Variants in DCST2 observed in about 807,000 individuals in gnomAD.
The protein encoded by DCST2 is DC-STAMP domain-containing protein 2.
A neutral mutation model predicts 81.8 loss-of-function variants in DCST2; 64 were observed. The observed-to-expected ratio is 0.78, with a 90% CI of 0.64 to 0.96. The LOEUF (loss-of-function observed/expected upper bound fraction) is 0.96, where lower values mean the gene tolerates loss of function less well. DCST2 is among the 40% of genes least tolerant of loss of function. DCST2 has a pLI of 0.00. For synonymous variants in DCST2, 354 were observed against 402.6 expected, an observed-to-expected ratio of 0.88 and a Z score of 1.44; for missense variants, 945 against 1,001.4, an observed-to-expected ratio of 0.94 and a Z score of 0.76.
Position 155,025,972 on chromosome 1 carries a change from T to C in DCST2, c.1611+330A>G, listed in dbSNP as rs75085406. Among the ~76,000 whole-genome samples the C allele has an allele frequency of 3.3e-3, 502 of 151,888 alleles. 25 individuals carry two copies. The East Asian group carries it at 0.091, about 28-fold the overall frequency. On this transcript the variant is annotated intron_variant, in intron 10 of 14. Transcript: ENST00000368424. ...GTCTGCCTGCCTCACCCTTCCAAAG[T>C]GCTGGATTACAGGTGTGAGCCATGC...
intron 6 of DCST2, 95 bp downstream of exon 6, chr1:155,030,337 C>T: frequency 6.3e-7 from 1 of 1,596,430 alleles, no homozygotes; most frequent in South Asian, 1.1e-5. Context: ...TTCAACCTCC[C>T]TGGATGCTGG....
At chr1:155,029,459 T>A in intron 7 of DCST2, 62 bp from the exon 8 acceptor site, 2 of 1,553,356 alleles carry the variant, frequency 1.3e-6, no homozygotes, top group Non-Finnish European at 1.8e-6. Flanking sequence ...CAGATCCCAG[T>A]TCTTGGAGAG....
intron 14 of DCST2, 46 bp downstream of exon 14, chr1:155,023,071 C>G (rs1323507241): frequency 6.3e-7 from 1 of 1,595,300 alleles, no homozygotes; most frequent in Non-Finnish European, 8.5e-7. Flanking sequence ...ACAGAACATG[C>G]TTAGGACTCA....
intron 8 of DCST2, among the ~76,000 whole-genome samples, chr1:155,026,994 C>T (rs1243495649): frequency 1.3e-5 from 2 of 151,052 alleles, no homozygotes; most frequent in Non-Finnish European, 2.9e-5. Context: ...AGTGAGTCCA[C>T]CCCCCGGCCT....
chr1:155,031,651 A>T lies in DCST2; in HGVS notation c.662T>A (p.Met221Lys). The T allele has an allele frequency of 1.2e-6, 2 of 1,614,082 alleles. No homozygotes were observed. The highest frequency in any genetic ancestry group is 1.7e-6 in the Non-Finnish European group (2 of 1,180,030). The change falls in exon 4 of 15, where the codon ATG becomes AAG. Residue 221 changes from methionine to lysine, a missense_variant. Coordinates refer to ENST00000368424, the MANE Select transcript of DCST2 (RefSeq NM_144622.3). ...RVFDDAKDSC[M>K]MVIPQAYHLC... ...GTGGTAGGCTTGTGGTATGACCATCATGCAGCTGTCCTTGGCATCATCGAA... is the reference window on the plus strand; with the variant it reads ...GTGGTAGGCTTGTGGTATGACCATCTTGCAGCTGTCCTTGGCATCATCGAA...
rs772674334 is a variant in DCST2, at chr1:155,031,747, T to G, written c.566A>C (p.Gln189Pro). 13 of 1,613,902 alleles carry G rather than the reference T, an allele frequency of 8.1e-6. 1 individual carries two copies. The South Asian group carries it at 1.3e-4, about 16-fold the overall frequency. Residue 189 changes from glutamine to proline, a missense_variant, in exon 4 of 15, where the codon CAG becomes CCG. By Grantham distance (76) the Gln-to-Pro change is moderately conservative. Coordinates refer to ENST00000368424, the MANE Select transcript of DCST2 (RefSeq NM_144622.3). Reference protein sequence around the residue: ...HIARALRNVWQWLLHIGDVCN... With the variant: ...HIARALRNVWPWLLHIGDVCN... ...CACATCGCCGATGTGCAGGAGCCACTGCCACACATTCCGGAGAGCCCTGGC... is the reference window on the plus strand; with the variant it reads ...CACATCGCCGATGTGCAGGAGCCACGGCCACACATTCCGGAGAGCCCTGGC...
At position 155,023,818 on chromosome 1, in the gene DCST2, C is replaced by A. The variant is rs1659820849; in HGVS notation, c.1870+14G>T. On this transcript the variant is annotated intron_variant, in intron 12 of 14. Coordinates refer to ENST00000368424, the MANE Select transcript of DCST2 (RefSeq NM_144622.3). ...GTCCGAGCAGGGAGAGGCACACGCC[C>A]CAGGGGGTCTCACCTTGGCAGCCGG... 6 of 1,612,888 alleles carry A rather than the reference C, an allele frequency of 3.7e-6. No homozygotes were observed. Among genetic ancestry groups the A allele is most frequent in the South Asian group, 2.2e-5 (2 of 90,800 alleles).
In DCST2 at chr1:155,030,651, G is replaced by A. The variant is rs776562845; in HGVS notation, c.806-6C>T. ...GTTGAGCAACTGAATCACGGCTGGG[G>A]CCAGCAGGTTCAGGGGAGACGTGGG... On this transcript the variant is annotated splice_polypyrimidine_tract_variant and splice_region_variant and intron_variant, in intron 5 of 14. Transcript: ENST00000368424. 1.9e-6 allele frequency: 3 copies of A among 1,613,826 alleles called. No homozygotes were observed. Among genetic ancestry groups the A allele is most frequent in the African/African-American group, 2.7e-5 (2 of 74,904 alleles).
At chr1:155,019,614 G>C (rs1659687451) in intron 14 of DCST2, among the ~76,000 whole-genome samples, 1 of 152,148 alleles carries the variant, frequency 6.6e-6, no homozygotes, top group African/African-American at 2.4e-5. Flanking sequence ...GAGACCCTGG[G>C]CTGCCCCCAG....
At chr1:155,022,688 G>C (rs1449192964) in intron 14 of DCST2, among the ~76,000 whole-genome samples, 2 of 152,214 alleles carry the variant, frequency 1.3e-5, no homozygotes, top group African/African-American at 4.8e-5. Context: ...CGAGGTTGCA[G>C]TGAACTGGGA....
chr1:155,023,313 C>T, intron 13 of DCST2, 51 bp downstream of exon 13: 1 of 1,612,724 alleles, frequency 6.2e-7, no homozygotes, highest in Non-Finnish European at 8.5e-7. Context: ...AGGGTGCCTA[C>T]TTCCACTGCC....
rs1349666206 is a variant in DCST2, at chr1:155,023,433, C to CG, written c.1894dup (p.Arg632ProfsTer29). ...CACGGAGCAGGTATTGTCCAGGAGG[C>CG]GGAAGCAAGTGAGGCAGTAGAGACC... On this transcript the variant is annotated frameshift_variant, in exon 13 of 15. Coordinates refer to ENST00000368424, the MANE Select transcript of DCST2 (RefSeq NM_144622.3). LOFTEE classifies it high-confidence loss of function. 6.2e-7 allele frequency: 1 copy of CG among 1,601,710 alleles called. No individual in the cohort carries two copies. The highest frequency in any genetic ancestry group is 8.5e-7 in the Non-Finnish European group (1 of 1,174,028).
Position 155,026,601 on chromosome 1 carries a change from C to T in DCST2, c.1457G>A (p.Arg486Gln), listed in dbSNP as rs774641817. 2.6e-5 allele frequency: 42 copies of T among 1,614,038 alleles called. No homozygotes were observed. The highest frequency in any genetic ancestry group is 8.3e-5 in the Admixed American group (5 of 60,008). The change falls in exon 9 of 15, where the codon CGG becomes CAG. Residue 486 changes from arginine (R) to glutamine (Q), a missense_variant. Arg to Gln is a conservative substitution (Grantham distance 43). Transcript: ENST00000368424. ...LQQGNISILS[R>Q]RCLLRPSEPD... Reference sequence around the variant, plus strand: ...CTCCGAGGGACGAAGGAGACAACGCCGGGACAAAATACTGATGTTGCCTTG... The same window carrying T: ...CTCCGAGGGACGAAGGAGACAACGCTGGGACAAAATACTGATGTTGCCTTG...
intron 8 of DCST2, 86 bp downstream of exon 8, chr1:155,029,147 A>G: frequency 1.3e-6 from 2 of 1,498,442 alleles, no homozygotes; most frequent in Admixed American, 1.9e-5. Flanking sequence ...GAAGAGGAGA[A>G]GGCTTGGGAG....
chr1:155,033,032 C>A, intron 2 of DCST2, 62 bp downstream of exon 2: 1 of 1,465,374 alleles, frequency 6.8e-7, no homozygotes. Context: ...GACTGTAGAA[C>A]ATGCAGGATG....
intron 8 of DCST2, among the ~76,000 whole-genome samples, chr1:155,027,532 G>GT (rs1166032792): frequency 9.1e-6 from 1 of 109,824 alleles, no homozygotes; most frequent in Non-Finnish European, 2.0e-5. Context: ...TTTGGTTTTT[G>GT]TTTTTTAGGA....
In DCST2 at chr1:155,030,217, G is replaced by A. The variant is rs760005021; in HGVS notation, c.1044C>T (p.Tyr348=). ...TATTGTCATAATGGTCCCAGTTCAGGTAACAATACCGGTAAAATAGGGCTC... is the reference window on the plus strand; with the variant it reads ...TATTGTCATAATGGTCCCAGTTCAGATAACAATACCGGTAAAATAGGGCTC... ...YLQALFYRYC[Y]LNWDHYDNIY... is the part of the protein sequence containing the mutation. The change falls in exon 7 of 15, where the codon TAC becomes TAT. Residue 348 remains tyrosine, a synonymous_variant. Transcript: ENST00000368424. The A allele has an allele frequency of 6.2e-7, 1 of 1,614,056 alleles. No homozygotes were observed. The highest frequency in any genetic ancestry group is 8.5e-7 in the Non-Finnish European group (1 of 1,180,032).
intron 13 of DCST2, 47 bp from the exon 14 acceptor site, chr1:155,023,304 G>A (rs747675172): frequency 2.5e-6 from 4 of 1,613,368 alleles, no homozygotes; most frequent in Middle Eastern, 1.6e-4. Context: ...CCTGGGAGAA[G>A]GGTGCCTACT....
Position 155,023,937 on chromosome 1 carries a change from C to A in DCST2, c.1765G>T (p.Val589Phe), listed in dbSNP as rs1659825607. Residue 589 changes from valine (V) to phenylalanine (F), a missense_variant, in exon 12 of 15, where the codon GTC becomes TTC. By Grantham distance (50) the Val-to-Phe change is conservative. Coordinates refer to ENST00000368424, the MANE Select transcript of DCST2 (RefSeq NM_144622.3). ...ASRCPCLGPFVSHFWLHQAYC... is the reference protein window; with the variant it reads ...ASRCPCLGPFFSHFWLHQAYC... ...GCCTGATGCAGCCAAAAGTGGCTGA[C>A]AAATGGACCTAGGCAGGGGCACCTG... The A allele has an allele frequency of 3.7e-6, 6 of 1,613,358 alleles. No individual in the cohort carries two copies. Among genetic ancestry groups the A allele is most frequent in the Non-Finnish European group, 5.1e-6 (6 of 1,179,882 alleles).
Sources: gnomAD v4.1 joint callset for allele counts (sites outside exome capture counted in the v4.1 genomes callset) on GRCh38, gnomAD v4.1.1 for gene constraint, MANE v1.5 for transcripts, NCBI Gene and HGNC (gene_info 2026-07-23, HGNC 2026-07-21) for gene names.